EHMT1: variants seen among roughly 807,000 people sequenced by gnomAD.
The protein encoded by EHMT1 is histone-lysine N-methyltransferase EHMT1.
EHMT1 carries 15 observed loss-of-function variants against 147.2 expected under a neutral mutation model. The ratio of observed to expected loss-of-function variants is 0.10; its 90% CI spans 0.07 to 0.16. The LOEUF is 0.16. Ranked by LOEUF, EHMT1 falls within the 10% of genes least tolerant of loss-of-function variation. EHMT1 has a pLI of 1.00. For synonymous variants in EHMT1, 795 were observed against 709.6 expected (o/e 1.12, Z -1.91); for missense variants, 1,587 against 1,772.4 (o/e 0.90, Z 1.88).
At chr9:137,727,187 GC>G (rs1439077256) in intron 3 of EHMT1, among the ~76,000 whole-genome samples, 1 of 151,972 alleles carries the variant, frequency 6.6e-6, no homozygotes, top group Non-Finnish European at 1.5e-5. Flanking sequence ...TTGCTATGTT[GC>G]CCAGACTCAT....
chr9:137,702,940 G>A (rs1363304382), intron 1 of EHMT1, among the ~76,000 whole-genome samples: 1 of 152,198 alleles, frequency 6.6e-6, no homozygotes, highest in African/African-American at 2.4e-5. Flanking sequence ...CAGATGTATG[G>A]ATGATATCCA....
At chr9:137,678,278 G>A (rs1232471951) in intron 1 of EHMT1, among the ~76,000 whole-genome samples, 4 of 152,164 alleles carry the variant, frequency 2.6e-5, no homozygotes, top group African/African-American at 9.7e-5. Context: ...CCCCAGCACA[G>A]TGTTTGAATG....
At chr9:137,708,632 C>G (rs554090471) in intron 1 of EHMT1, among the ~76,000 whole-genome samples, 1 of 152,222 alleles carries the variant, frequency 6.6e-6, no homozygotes, top group Admixed American at 6.5e-5. Context: ...GGGACAGATA[C>G]ACATTTACAT....
intron 10 of EHMT1, among the ~76,000 whole-genome samples, chr9:137,770,407 T>A (rs1950515659): frequency 6.6e-6 from 1 of 152,274 alleles, no homozygotes; most frequent in Non-Finnish European, 1.5e-5. Context: ...TCGTCTGTAG[T>A]ACAACATTTC....
At chr9:137,812,847 G>A (rs1033260822) in intron 19 of EHMT1, among the ~76,000 whole-genome samples, 159 bp from the exon 20 acceptor site, 19 of 152,244 alleles carry the variant, frequency 1.2e-4, no homozygotes, top group African/African-American at 2.9e-4. Context: ...GCTAAAGCCC[G>A]TCTTTGCAGA....
intron 10 of EHMT1, among the ~76,000 whole-genome samples, chr9:137,773,552 C>A (rs189245991): frequency 3.3e-5 from 5 of 152,298 alleles, no homozygotes; most frequent in African/African-American, 1.2e-4. Context: ...GTTGGTTGTT[C>A]CTACTTTTCT....
rs781361552 is a variant in EHMT1 at position 137,757,891 on chromosome 9, T to C, written c.1381T>C (p.Tyr461His). Residue 461 changes from tyrosine to histidine, a missense_variant, in exon 9 of 27, where the codon TAT becomes CAT. Transcript: ENST00000460843. ...CCTTTCATACCTAGGTTCTGAGTCG[T>C]ATAAGTCATCTGCAGGAAGCGCTGA... Reference protein sequence around the residue: ...KPSGALGSESYKSSAGSAEQT... With the variant: ...KPSGALGSESHKSSAGSAEQT... 1.2e-6 allele frequency: 2 copies of C among 1,613,918 alleles called. No individual in the cohort carries two copies. Among genetic ancestry groups the C allele is most frequent in the Non-Finnish European group, 1.7e-6 (2 of 1,179,968 alleles).
chr9:137,639,088 C>G (rs1260837167), intron 1 of EHMT1, among the ~76,000 whole-genome samples: 1 of 152,042 alleles, frequency 6.6e-6, no homozygotes, highest in Non-Finnish European at 1.5e-5. Flanking sequence ...TCTATTTTCC[C>G]TTGTGACTTT....
intron 1 of EHMT1, among the ~76,000 whole-genome samples, chr9:137,639,570 G>A (rs1345462557): frequency 6.6e-6 from 1 of 152,074 alleles, no homozygotes; most frequent in East Asian, 1.9e-4. Flanking sequence ...GTCCCTCTTT[G>A]TCTCTATAAA....
In EHMT1 at chr9:137,775,334, A is replaced by G; in HGVS notation, c.1791+82A>G. ...TGGTGCTGGTTCCTGTCCTGTGTCC[A>G]CCTGCTGTCGGGTGGTCCAGCAGCT... On this transcript the variant is annotated intron_variant, in intron 11 of 26. Transcript: ENST00000460843. The surrounding 1 kb of genome is among the most constrained non-coding windows in gnomAD (Gnocchi z 6.1). 6.4e-7 allele frequency: 1 copy of G among 1,564,318 alleles called. No individual in the cohort carries two copies. Among genetic ancestry groups the G allele is most frequent in the South Asian group, 1.1e-5 (1 of 87,728 alleles).
At chr9:137,792,788 A>G (rs964640248) in intron 16 of EHMT1, among the ~76,000 whole-genome samples, 3 of 152,222 alleles carry the variant, frequency 2.0e-5, no homozygotes, top group African/African-American at 4.8e-5. Context: ...ACATGGGGGG[A>G]AAGCTTTATG....
chr9:137,718,146 TCA>T (rs1376881155), intron 3 of EHMT1, among the ~76,000 whole-genome samples: 1 of 141,854 alleles, frequency 7.0e-6, no homozygotes, highest in African/African-American at 2.7e-5. Flanking sequence ...CGCCTGCCCC[TCA>T]CACGCACCGT....
chr9:137,689,804 T>G (rs190066531), intron 1 of EHMT1, among the ~76,000 whole-genome samples: 110 of 152,334 alleles, frequency 7.2e-4, no homozygotes, highest in African/African-American at 2.2e-3. Context: ...GTGAGAGAGA[T>G]AAGCTGCATA....
At chr9:137,627,426 A>G (rs1363890022) in intron 1 of EHMT1, among the ~76,000 whole-genome samples, 1 of 149,622 alleles carries the variant, frequency 6.7e-6, no homozygotes, top group East Asian at 2.0e-4. Context: ...CCACTCCGGG[A>G]TAATTTTTTT....
intron 4 of EHMT1, among the ~76,000 whole-genome samples, chr9:137,735,239 ACAT>A (rs1240125089): frequency 2.0e-5 from 3 of 152,342 alleles, no homozygotes; most frequent in South Asian, 4.1e-4. Flanking sequence ...TAGTTTTGTG[ACAT>A]CAGCAAATGA....
At chr9:137,656,331 G>A (rs1938442400) in intron 1 of EHMT1, among the ~76,000 whole-genome samples, 1 of 152,188 alleles carries the variant, frequency 6.6e-6, no homozygotes, top group Non-Finnish European at 1.5e-5. Context: ...AGTGAGCTGA[G>A]TTGGCACCAT....
chr9:137,768,518 T>C (rs1441906851), intron 10 of EHMT1, among the ~76,000 whole-genome samples: 1 of 133,814 alleles, frequency 7.5e-6, no homozygotes, highest in Non-Finnish European at 1.6e-5. Context: ...CACGCCCGGC[T>C]AATTTTTTGT....
chr9:137,725,308 A>G (rs1445474098), intron 3 of EHMT1, among the ~76,000 whole-genome samples: 1 of 150,880 alleles, frequency 6.6e-6, no homozygotes, highest in African/African-American at 2.4e-5. Flanking sequence ...TGTGGCAGAC[A>G]TGTGGCCTTC....
intron 1 of EHMT1, among the ~76,000 whole-genome samples, chr9:137,631,037 A>G (rs924357446): frequency 6.6e-6 from 1 of 152,120 alleles, no homozygotes; most frequent in Non-Finnish European, 1.5e-5. Context: ...TAGTCATGAT[A>G]TAGGTGTTTA....
Sources: allele counts gnomAD v4.1 joint callset (sites outside exome capture counted in the v4.1 genomes callset), GRCh38; gene constraint gnomAD v4.1.1; non-coding constraint Gnocchi (gnomAD v3.1); transcripts MANE v1.5; gene names NCBI Gene and HGNC (gene_info 2026-07-23, HGNC 2026-07-21).